The following CRADD variants were observed in gnomAD, a reference collection of about 807,000 sequenced individuals.
CRADD encodes the protein death domain-containing protein CRADD.
In CRADD, 9 loss-of-function variants were observed where a neutral mutation model predicts 15.5. That is an observed-to-expected ratio of 0.58 (90% CI 0.35 to 1.01). The LOEUF (loss-of-function observed/expected upper bound fraction) is 1.01. Ranked by LOEUF, CRADD falls within the 50% of genes least tolerant of loss-of-function variation. CRADD has a pLI of 0.02. For synonymous variants in CRADD, 118 were observed against 107.6 expected, an observed-to-expected ratio of 1.10 and a Z score of -0.60; for missense variants, 227 against 250.3, an observed-to-expected ratio of 0.91 and a Z score of 0.63.
At chr12:93,713,484 T>A (rs570384416) in intron 2 of CRADD, among the ~76,000 whole-genome samples, 1 of 152,184 alleles carries the variant, frequency 6.6e-6, no homozygotes, top group Non-Finnish European at 1.5e-5. Context: ...GTTCCTCATA[T>A]AAAAATGGCA....
At chr12:93,863,636 G>GTGTGTGTA (rs1958337241) in intron 2 of CRADD, among the ~76,000 whole-genome samples, 1 of 148,960 alleles carries the variant, frequency 6.7e-6, no homozygotes. Context: ...GTGTGTGTGT[G>GTGTGTGTA]TGTGTGTGAA....
intron 2 of CRADD, among the ~76,000 whole-genome samples, chr12:93,699,164 C>A (rs183638336): frequency 1.6e-3 from 245 of 152,232 alleles, no homozygotes; most frequent in African/African-American, 5.0e-3. Flanking sequence ...ATGCTTAGTT[C>A]TAAAATTGTT....
intron 2 of CRADD, among the ~76,000 whole-genome samples, chr12:93,698,325 A>T (rs1955760045): frequency 6.6e-6 from 1 of 152,206 alleles, no homozygotes; most frequent in African/African-American, 2.4e-5. Flanking sequence ...TGATGCCAAA[A>T]AAAGGAGAAA....
At chr12:93,771,880 A>G (rs955565908) in intron 2 of CRADD, among the ~76,000 whole-genome samples, 1 of 152,084 alleles carries the variant, frequency 6.6e-6, no homozygotes, top group Non-Finnish European at 1.5e-5. Flanking sequence ...GTGCACTTAT[A>G]CTTATTTATC....
At chr12:93,888,413 A>T (rs2137077931) in intron 2 of CRADD, among the ~76,000 whole-genome samples, 1 of 140,232 alleles carries the variant, frequency 7.1e-6, no homozygotes, top group South Asian at 2.3e-4. Flanking sequence ...TGACAGAGTG[A>T]GACTCCGTCT....
In CRADD at chr12:93,849,994, C is replaced by T. The variant is rs950645401; in HGVS notation, c.323C>T (p.Ser108Leu). The T allele has an allele frequency of 6.2e-6, 10 of 1,608,854 alleles. No individual in the cohort carries two copies. Among genetic ancestry groups the T allele is most frequent in the South Asian group, 5.5e-5 (5 of 90,986 alleles). The change falls in exon 3 of 3, where the codon TCG (serine) becomes TTG (leucine). Residue 108 changes from serine (S) to leucine (L), a missense_variant. Coordinates refer to ENST00000332896, the MANE Select transcript of CRADD (RefSeq NM_003805.5). ...PAGDRLTGIP[S>L]HILNSSPSDR... ...GGTGACAGATTGACTGGGATCCCCT[C>T]GCACATCCTCAACAGCTCCCCATCA...
At chr12:93,690,181 T>C (rs974535212) in intron 2 of CRADD, among the ~76,000 whole-genome samples, 4 of 152,216 alleles carry the variant, frequency 2.6e-5, no homozygotes, top group African/African-American at 9.7e-5. Context: ...ATTCAGACTA[T>C]TGGCCAAACT....
intron 2 of CRADD, among the ~76,000 whole-genome samples, chr12:93,688,668 A>G (rs1306699078): frequency 2.0e-5 from 3 of 152,178 alleles, no homozygotes; most frequent in Admixed American, 6.5e-5. Context: ...GGGAGGTGGT[A>G]TTATTACCCT....
chr12:93,709,119 A>G (rs1265895165), intron 2 of CRADD: 3 of 152,292 alleles, frequency 2.0e-5, no homozygotes, highest in African/African-American at 7.2e-5. Context: ...AGAAAGTTAC[A>G]TAATATATTC....
At chr12:93,718,303 T>C (rs907501435) in intron 2 of CRADD, among the ~76,000 whole-genome samples, 3 of 152,242 alleles carry the variant, frequency 2.0e-5, no homozygotes, top group African/African-American at 7.2e-5. Flanking sequence ...ATGGGATATC[T>C]GTTTATTCAA....
At chr12:93,867,404 T>TATATATATATATATATATATATA (rs1491540248) in intron 2 of CRADD, among the ~76,000 whole-genome samples, 3 of 127,292 alleles carry the variant, frequency 2.4e-5, no homozygotes, top group African/African-American at 2.7e-5. Flanking sequence ...TATATATATA[T>TATATATATATATATATATATATA]TTTTTAAACT....
At chr12:93,707,233 A>T (rs376933581) in intron 2 of CRADD, among the ~76,000 whole-genome samples, 1 of 152,128 alleles carries the variant, frequency 6.6e-6, no homozygotes, top group Admixed American at 6.5e-5. Flanking sequence ...GTAGTGATAT[A>T]ATTCTGTTTC....
intron 2 of CRADD, among the ~76,000 whole-genome samples, chr12:93,863,132 T>C: frequency 6.6e-6 from 1 of 152,210 alleles, no homozygotes; most frequent in East Asian, 1.9e-4. Context: ...CTTGATATCA[T>C]GCTGCATTTC....
intron 2 of CRADD, among the ~76,000 whole-genome samples, chr12:93,732,340 G>T (rs987321982): frequency 6.6e-6 from 1 of 152,070 alleles, no homozygotes; most frequent in African/African-American, 2.4e-5. Context: ...TGGTTGAACT[G>T]GTAGTTTTAG....
chr12:93,735,584 T>A lies in CRADD; in HGVS notation c.298+56512T>A, dbSNP rs537519394. ...TCTTACCTTTGAAGCTGACTTCTTG[T>A]GTTCTTCATGCTGACATTAGAAATA... is the stretch of plus-strand genomic sequence containing the variant. On this transcript the variant is annotated intron_variant, in intron 2 of 2. Coordinates refer to ENST00000332896, the MANE Select transcript of CRADD (RefSeq NM_003805.5). 8 of 152,332 alleles carry A rather than the reference T, an allele frequency of 5.3e-5. No individual in the cohort carries two copies. In the East Asian group the frequency reaches 1.5e-3, roughly 29 times the overall value. 9.4% of individuals were successfully genotyped at this position (152,332 alleles called of 1,614,324 possible).
At chr12:93,760,526 T>G (rs1006656041) in intron 2 of CRADD, among the ~76,000 whole-genome samples, 6 of 152,190 alleles carry the variant, frequency 3.9e-5, no homozygotes, top group Non-Finnish European at 7.3e-5. Flanking sequence ...GTCTGAGATG[T>G]TAGAATCTTC....
intron 2 of CRADD, among the ~76,000 whole-genome samples, chr12:93,769,584 G>C (rs1040768887): frequency 4.6e-5 from 7 of 152,214 alleles, no homozygotes; most frequent in Non-Finnish European, 8.8e-5. Flanking sequence ...CTGTGAAAGT[G>C]GTTGCACAAA....
intron 2 of CRADD, among the ~76,000 whole-genome samples, chr12:93,785,187 C>T (rs115916646): frequency 1.6e-3 from 238 of 151,888 alleles, no homozygotes; most frequent in African/African-American, 5.6e-3. Flanking sequence ...GTGTATTTTC[C>T]TAGTCTGGGA....
chr12:93,828,990 A>G (rs1485479946), intron 2 of CRADD, among the ~76,000 whole-genome samples: 1 of 152,230 alleles, frequency 6.6e-6, no homozygotes. Flanking sequence ...CCCATACAGC[A>G]TTTAAAAAAT....
Sources: allele counts gnomAD v4.1 joint callset (sites outside exome capture counted in the v4.1 genomes callset), GRCh38; gene constraint gnomAD v4.1.1; transcripts MANE v1.5; gene names NCBI Gene and HGNC (gene_info 2026-07-23, HGNC 2026-07-21).